Variants in MGAT4C observed in about 807,000 individuals in gnomAD.
The protein encoded by MGAT4C is alpha-1,3-mannosyl-glycoprotein 4-beta-N-acetylglucosaminyltransferase C.
In MGAT4C, 19 loss-of-function variants were observed where a neutral mutation model predicts 40.1. That is an observed-to-expected ratio of 0.47 (90% CI 0.33 to 0.70). The LOEUF (loss-of-function observed/expected upper bound fraction) is 0.70. Ranked by LOEUF, MGAT4C falls within the 30% of genes least tolerant of loss-of-function variation. The probability of loss-of-function intolerance (pLI) is 0.02; values close to 1 mark genes in which losing one functional copy is unlikely to be tolerated. For synonymous variants in MGAT4C, 181 were observed against 187.1 expected (o/e 0.97, Z 0.27); for missense variants, 491 against 563.2 (o/e 0.87, Z 1.30).
intron 2 of MGAT4C, among the ~76,000 whole-genome samples, chr12:86,712,399 A>C (rs1290813851): frequency 2.6e-5 from 4 of 152,164 alleles, no homozygotes; most frequent in African/African-American, 9.6e-5. Context: ...AACCATAAAA[A>C]ATAAGAAAAA....
intron 3 of MGAT4C, among the ~76,000 whole-genome samples, chr12:86,353,941 G>T (rs1485487603): frequency 6.6e-6 from 1 of 152,068 alleles, no homozygotes; most frequent in Non-Finnish European, 1.5e-5. Flanking sequence ...AGAGTACAAG[G>T]TAATCAAGAA....
At chr12:86,282,844 A>G (rs1016083049) in intron 4 of MGAT4C, among the ~76,000 whole-genome samples, 3 of 152,024 alleles carry the variant, frequency 2.0e-5, no homozygotes, top group African/African-American at 7.2e-5. Context: ...AAGCTTTTCT[A>G]TATTGCATAT....
chr12:86,177,505 T>A (rs943358080), intron 1 of MGAT4C, among the ~76,000 whole-genome samples: 1 of 152,186 alleles, frequency 6.6e-6, no homozygotes, highest in Non-Finnish European at 1.5e-5. Flanking sequence ...AATATCTTAA[T>A]AATTATTAGA....
intron 1 of MGAT4C, among the ~76,000 whole-genome samples, chr12:86,131,852 T>C (rs1881234205): frequency 6.6e-6 from 1 of 152,128 alleles, no homozygotes; most frequent in Non-Finnish European, 1.5e-5. Flanking sequence ...GGCTACATTA[T>C]TATAGCAGCC....
chr12:86,280,414 ATAT>A (rs1401777721), intron 4 of MGAT4C, among the ~76,000 whole-genome samples: 2 of 151,946 alleles, frequency 1.3e-5, no homozygotes, highest in Non-Finnish European at 2.9e-5. Flanking sequence ...AACTAAATTT[ATAT>A]TATTAAAAGG....
chr12:86,458,654 A>G (rs572176607), intron 2 of MGAT4C, among the ~76,000 whole-genome samples: 3 of 152,250 alleles, frequency 2.0e-5, no homozygotes, highest in East Asian at 3.8e-4. Flanking sequence ...ATAAGCAGTT[A>G]TAACCTATGC....
At chr12:86,492,947 C>G (rs999987482) in intron 2 of MGAT4C, among the ~76,000 whole-genome samples, 1 of 151,824 alleles carries the variant, frequency 6.6e-6, no homozygotes, top group African/African-American at 2.4e-5. Context: ...AACAAATTTA[C>G]AAGAAAAAAA....
chr12:86,713,670 T>C (rs1174600362), intron 2 of MGAT4C, among the ~76,000 whole-genome samples: 1 of 152,048 alleles, frequency 6.6e-6, no homozygotes, highest in Non-Finnish European at 1.5e-5. Flanking sequence ...GTATTAGTAG[T>C]TTTATATATA....
intron 1 of MGAT4C, among the ~76,000 whole-genome samples, chr12:86,762,914 G>A (rs1951432513): frequency 6.6e-6 from 1 of 152,102 alleles, no homozygotes; most frequent in Admixed American, 6.5e-5. Context: ...GTCTACAGGT[G>A]TTCAATATAA....
At chr12:86,707,145 A>G (rs546511231) in intron 2 of MGAT4C, among the ~76,000 whole-genome samples, 15 of 152,300 alleles carry the variant, frequency 9.8e-5, no homozygotes, top group African/African-American at 3.1e-4. Flanking sequence ...AAAACTGACT[A>G]ATATGGTAAA....
At chr12:86,400,140 CT>C (rs1399554918) in intron 3 of MGAT4C, among the ~76,000 whole-genome samples, 1 of 152,116 alleles carries the variant, frequency 6.6e-6, no homozygotes, top group African/African-American at 2.4e-5. Flanking sequence ...TGACTGCATG[CT>C]TAGTAGGTGA....
chr12:86,383,217 G>A (rs567275820), intron 3 of MGAT4C, among the ~76,000 whole-genome samples: 51 of 152,158 alleles, frequency 3.4e-4, no homozygotes, highest in Non-Finnish European at 6.3e-4. Flanking sequence ...ACCTGGACAT[G>A]AGGCATGAAG....
intron 2 of MGAT4C, among the ~76,000 whole-genome samples, chr12:86,489,592 C>A (rs1327118723): frequency 6.6e-6 from 1 of 152,196 alleles, no homozygotes; most frequent in Non-Finnish European, 1.5e-5. Flanking sequence ...ATCACAGGCA[C>A]CCTGACCTGG....
At chr12:86,333,448 C>T (rs2405929) in intron 4 of MGAT4C, among the ~76,000 whole-genome samples, 12,222 of 152,112 alleles carry the variant, frequency 0.08, 1,201 homozygotes, top group East Asian at 0.24. Context: ...GACAGTTCTG[C>T]TATCCCAGAG....
intron 2 of MGAT4C, among the ~76,000 whole-genome samples, chr12:86,605,941 G>A (rs1055743711): frequency 1.3e-5 from 2 of 152,124 alleles, no homozygotes; most frequent in East Asian, 3.8e-4. Context: ...AAGGAAAGAA[G>A]TTTAATTGAC....
intron 2 of MGAT4C, among the ~76,000 whole-genome samples, chr12:86,444,894 T>C (rs2136281898): frequency 6.6e-6 from 1 of 152,304 alleles, no homozygotes; most frequent in South Asian, 2.1e-4. Context: ...TACAGATGAA[T>C]TTCTAAATTA....
chr12:86,811,320 C>G (rs1376026421), intron 1 of MGAT4C, among the ~76,000 whole-genome samples: 1 of 148,952 alleles, frequency 6.7e-6, no homozygotes, highest in East Asian at 2.0e-4. Context: ...TTGATGTTCA[C>G]CAAGGCACTC....
intron 3 of MGAT4C, among the ~76,000 whole-genome samples, chr12:86,395,809 T>C (rs1956250790): frequency 6.6e-6 from 1 of 152,202 alleles, no homozygotes. Context: ...TTGGCAGTGA[T>C]ACATTGTATG....
chr12:86,497,893 A>AAAATATAT (rs1958267358), intron 2 of MGAT4C, among the ~76,000 whole-genome samples: 1 of 133,894 alleles, frequency 7.5e-6, no homozygotes, highest in Admixed American at 8.0e-5. Flanking sequence ...GAAATTCCTA[A>AAAATATAT]ATATATATAT....
Sources: allele counts gnomAD v4.1 joint callset (sites outside exome capture counted in the v4.1 genomes callset), GRCh38; gene constraint gnomAD v4.1.1; transcripts MANE v1.5; gene names NCBI Gene and HGNC (gene_info 2026-07-23, HGNC 2026-07-21).